ZNF385D: variants seen among roughly 807,000 people sequenced by gnomAD.
ZNF385D encodes the protein zinc finger protein 659.
In ZNF385D, 15 loss-of-function variants were observed where a neutral mutation model predicts 35.8. The ratio of observed to expected loss-of-function variants is 0.42; its 90% CI spans 0.28 to 0.64. The LOEUF is 0.64. ZNF385D is among the 30% of genes least tolerant of loss of function. The pLI, the probability that ZNF385D is intolerant of heterozygous loss-of-function variation, is 0.23. For synonymous variants in ZNF385D, 212 were observed against 186.8 expected, an observed-to-expected ratio of 1.13 and a Z score of -1.10; for missense variants, 474 against 494.6, an observed-to-expected ratio of 0.96 and a Z score of 0.39.
intron 3 of ZNF385D, among the ~76,000 whole-genome samples, chr3:22,117,347 A>G (rs540103496): frequency 1.2e-3 from 177 of 152,174 alleles, no homozygotes; most frequent in African/African-American, 4.0e-3. Flanking sequence ...GGGTTCTCTG[A>G]AACTGAATGA....
At chr3:22,340,137 C>A (rs942853932) in intron 2 of ZNF385D, among the ~76,000 whole-genome samples, 1 of 152,010 alleles carries the variant, frequency 6.6e-6, no homozygotes, top group Non-Finnish European at 1.5e-5. Context: ...TGCTTGGGGA[C>A]AAATTAAGAA....
intron 3 of ZNF385D, among the ~76,000 whole-genome samples, chr3:21,564,197 T>A (rs2063058519): frequency 6.6e-6 from 1 of 152,178 alleles, no homozygotes; most frequent in South Asian, 2.1e-4. Context: ...ATCTTGATCT[T>A]AAAATATGAT....
At chr3:22,347,825 T>C (rs1000803650) in intron 2 of ZNF385D, among the ~76,000 whole-genome samples, 3 of 152,156 alleles carry the variant, frequency 2.0e-5, no homozygotes, top group African/African-American at 7.2e-5. Context: ...ACCTTCAATT[T>C]TGCATATAAA....
At chr3:21,606,810 C>T (rs2064498532) in intron 2 of ZNF385D, among the ~76,000 whole-genome samples, 1 of 152,196 alleles carries the variant, frequency 6.6e-6, no homozygotes, top group African/African-American at 2.4e-5. Flanking sequence ...AGGATTTAAC[C>T]TCCATGCTGG....
intron 2 of ZNF385D, among the ~76,000 whole-genome samples, chr3:21,660,974 C>T (rs2066221774): frequency 6.6e-6 from 1 of 152,130 alleles, no homozygotes; most frequent in African/African-American, 2.4e-5. Context: ...GCTTATATGC[C>T]CATGGATCCT....
intron 2 of ZNF385D, among the ~76,000 whole-genome samples, chr3:22,296,541 T>C (rs1326924834): frequency 6.6e-6 from 1 of 152,078 alleles, no homozygotes; most frequent in Non-Finnish European, 1.5e-5. Flanking sequence ...TGACGAAGAT[T>C]TGGCACCTAT....
intron 1 of ZNF385D, among the ~76,000 whole-genome samples, chr3:21,723,657 A>G (rs1306538955): frequency 6.6e-6 from 1 of 152,216 alleles, no homozygotes; most frequent in African/African-American, 2.4e-5. Context: ...ATGTGAAAAG[A>G]CCAAATCTAC....
chr3:21,459,283 C>T (rs754070780), intron 4 of ZNF385D: 2 of 152,032 alleles, frequency 1.3e-5, no homozygotes, highest in Non-Finnish European at 2.9e-5. Context: ...GTCTATATTG[C>T]TATTTTGGTA....
At chr3:22,164,440 G>A (rs1026299363) in intron 3 of ZNF385D, among the ~76,000 whole-genome samples, 3 of 151,606 alleles carry the variant, frequency 2.0e-5, no homozygotes, top group Non-Finnish European at 4.4e-5. Context: ...TGTTTGCCAG[G>A]ATGGTCTCGA....
At chr3:22,323,992 T>A (rs939417948) in intron 2 of ZNF385D, among the ~76,000 whole-genome samples, 1 of 152,138 alleles carries the variant, frequency 6.6e-6, no homozygotes. Flanking sequence ...GGTCCAATAT[T>A]AGGATAACCT....
At chr3:21,887,542 C>T (rs926292866) in intron 3 of ZNF385D, among the ~76,000 whole-genome samples, 6 of 152,010 alleles carry the variant, frequency 3.9e-5, no homozygotes, top group African/African-American at 1.4e-4. Context: ...ATGTCAACTT[C>T]TGAGTATTAG....
intron 3 of ZNF385D, among the ~76,000 whole-genome samples, chr3:21,871,515 T>C (rs1697689276): frequency 6.6e-6 from 1 of 152,178 alleles, no homozygotes; most frequent in Non-Finnish European, 1.5e-5. Context: ...GAAAAGTGAC[T>C]GGCATATAGT....
rs564534411 is a variant in ZNF385D at position 21,822,836 on chromosome 3, T to C, written c.326-157808A>G. Among the ~76,000 whole-genome samples the C allele has an allele frequency of 3.9e-5, 6 of 152,008 alleles. No homozygotes were observed. The South Asian group carries it at 1.0e-3, about 26-fold the overall frequency. On this transcript the variant is annotated intron_variant, in intron 3 of 5. Transcript: ENST00000494108. Reference sequence around the variant, plus strand: ...AAAAAACAAGTGACAAATTAATGCATGTGGAATCTTACTGTTATATAAAGA... The same window carrying C: ...AAAAAACAAGTGACAAATTAATGCACGTGGAATCTTACTGTTATATAAAGA...
intron 3 of ZNF385D, among the ~76,000 whole-genome samples, chr3:22,127,494 C>G (rs1002631660): frequency 6.6e-6 from 1 of 151,672 alleles, no homozygotes; most frequent in Non-Finnish European, 1.5e-5. Flanking sequence ...CACCTGCCAC[C>G]ACACCCAGTT....
intron 3 of ZNF385D, among the ~76,000 whole-genome samples, chr3:21,523,289 A>G (rs1708031555): frequency 6.6e-6 from 1 of 152,190 alleles, no homozygotes; most frequent in Admixed American, 6.5e-5. Flanking sequence ...ACGGAAGAGA[A>G]CTTGTACTGA....
chr3:21,953,935 T>C (rs773686755), intron 3 of ZNF385D, among the ~76,000 whole-genome samples: 1 of 152,080 alleles, frequency 6.6e-6, no homozygotes, highest in Non-Finnish European at 1.5e-5. Flanking sequence ...ATGAGATCCC[T>C]TCCAACATGC....
At chr3:21,843,702 A>G (rs17009773) in intron 3 of ZNF385D, among the ~76,000 whole-genome samples, 4,545 of 152,074 alleles carry the variant, frequency 0.03, 187 homozygotes, top group East Asian at 0.11. Flanking sequence ...AAGGGGAATA[A>G]TCAAGTCATT....
chr3:22,160,208 T>C (rs919486786), intron 3 of ZNF385D, among the ~76,000 whole-genome samples: 4 of 152,092 alleles, frequency 2.6e-5, no homozygotes, highest in African/African-American at 9.7e-5. Context: ...CAGTTCTGTA[T>C]AGCAGTATGA....
intron 2 of ZNF385D, among the ~76,000 whole-genome samples, chr3:22,370,018 C>T (rs1398294990): frequency 6.6e-6 from 1 of 152,200 alleles, no homozygotes; most frequent in African/African-American, 2.4e-5. Context: ...AGATGAAACA[C>T]TGTTTTCTTG....
Sources: allele counts gnomAD v4.1 joint callset (sites outside exome capture counted in the v4.1 genomes callset), GRCh38; gene constraint gnomAD v4.1.1; transcripts MANE v1.5; gene names NCBI Gene and HGNC (gene_info 2026-07-23, HGNC 2026-07-21).